GTF2F2: variants seen among roughly 807,000 people sequenced by gnomAD.
GTF2F2 encodes the protein ATP-dependent helicase GTF2F2.
Under a neutral mutation model 42.2 loss-of-function variants are expected in GTF2F2, and 23 were observed. That is an observed-to-expected ratio of 0.55 (90% confidence interval 0.39 to 0.77). The LOEUF is 0.77. Ranked by LOEUF, GTF2F2 falls within the 30% of genes least tolerant of loss-of-function variation. GTF2F2 has a pLI of 0.00. For missense variants in GTF2F2, 261 were observed against 287.2 expected, an observed-to-expected ratio of 0.91 and a Z score of 0.66; for synonymous variants, 105 against 100.8, an observed-to-expected ratio of 1.04 and a Z score of -0.25.
intron 5 of GTF2F2, among the ~76,000 whole-genome samples, chr13:45,239,880 A>G (rs1875190933): frequency 6.6e-6 from 1 of 152,146 alleles, no homozygotes; most frequent in African/African-American, 2.4e-5. Context: ...CAAAACAAGG[A>G]ATCTTGAATT....
At chr13:45,259,744 G>A (rs1876256574) in intron 6 of GTF2F2, among the ~76,000 whole-genome samples, 1 of 124,082 alleles carries the variant, frequency 8.1e-6, no homozygotes, top group Non-Finnish European at 1.6e-5. Flanking sequence ...TGCAAGCTCC[G>A]CCTCCCGGAT....
rs1877385425 is a variant in GTF2F2, at chr13:45,284,464, A to G, written c.*903A>G. Reference sequence around the variant, plus strand: ...TTTAATTAATTTTTAAATGAAAACAATACATGTATATGTTAGTTTTTTCTA... The same window carrying G: ...TTTAATTAATTTTTAAATGAAAACAGTACATGTATATGTTAGTTTTTTCTA... On this transcript the variant is annotated 3_prime_UTR_variant, in exon 8 of 8. Coordinates refer to ENST00000340473, the MANE Select transcript of GTF2F2 (RefSeq NM_004128.3). The G allele has an allele frequency of 6.6e-6, 1 of 152,204 alleles. No individual in the cohort carries two copies. The highest frequency in any genetic ancestry group is 2.4e-5 in the African/African-American group (1 of 41,452). 9.4% of individuals were successfully genotyped at this position (152,204 alleles called of 1,614,324 possible).
chr13:45,265,945 T>C (rs946922496), intron 6 of GTF2F2, among the ~76,000 whole-genome samples: 5 of 152,200 alleles, frequency 3.3e-5, no homozygotes, highest in Non-Finnish European at 5.9e-5. Flanking sequence ...TCAACAAGTT[T>C]CTGATGGTTT....
intron 4 of GTF2F2, among the ~76,000 whole-genome samples, chr13:45,205,227 T>A (rs1242501279): frequency 6.6e-6 from 1 of 152,124 alleles, no homozygotes. Context: ...CTCAGGAAAC[T>A]TACATTCATG....
At chr13:45,234,713 T>A (rs1217040094) in intron 5 of GTF2F2, among the ~76,000 whole-genome samples, 1 of 152,088 alleles carries the variant, frequency 6.6e-6, no homozygotes, top group Non-Finnish European at 1.5e-5. Context: ...ACCAGAAACC[T>A]ATATATCAGT....
At chr13:45,148,858 A>T (rs760746858) in intron 2 of GTF2F2, among the ~76,000 whole-genome samples, 1 of 152,226 alleles carries the variant, frequency 6.6e-6, no homozygotes, top group African/African-American at 2.4e-5. Context: ...GTGTGGAAAG[A>T]TACTGCACCA....
chr13:45,260,266 G>A (rs1876281930), intron 6 of GTF2F2, among the ~76,000 whole-genome samples: 1 of 152,152 alleles, frequency 6.6e-6, no homozygotes, highest in South Asian at 2.1e-4. Flanking sequence ...TAAAAAGGAT[G>A]TTTGTAGGAC....
chr13:45,161,578 A>G (rs965245054), intron 4 of GTF2F2, among the ~76,000 whole-genome samples: 4 of 152,216 alleles, frequency 2.6e-5, no homozygotes, highest in Non-Finnish European at 4.4e-5. Context: ...ACCGTGGCTC[A>G]GGCCTGTAAT....
intron 4 of GTF2F2, among the ~76,000 whole-genome samples, chr13:45,168,715 T>A (rs1463336338): frequency 1.3e-5 from 2 of 151,992 alleles, no homozygotes; most frequent in Admixed American, 6.6e-5. Context: ...GGGGCTCTAG[T>A]GATTTCCCCA....
At chr13:45,272,831 G>T (rs1051572911) in intron 7 of GTF2F2, among the ~76,000 whole-genome samples, 1 of 150,370 alleles carries the variant, frequency 6.7e-6, no homozygotes, top group South Asian at 2.1e-4. Context: ...ATCATAGCTC[G>T]CTGTCACTTC....
At chr13:45,150,664 C>CTTTTTTTTTTTTTTTTTT (rs368061537) in intron 3 of GTF2F2, among the ~76,000 whole-genome samples, 5 of 122,464 alleles carry the variant, frequency 4.1e-5, no homozygotes, top group South Asian at 2.4e-4. Flanking sequence ...AAAAAATCAT[C>CTTTTTTTTTTTTTTTTTT]TTTTTTTTTT....
chr13:45,151,124 C>T (rs1870470756), intron 3 of GTF2F2, among the ~76,000 whole-genome samples: 1 of 152,070 alleles, frequency 6.6e-6, no homozygotes, highest in Non-Finnish European at 1.5e-5. Flanking sequence ...CCTTGGTCTC[C>T]TCTCTCCCTC....
At chr13:45,191,224 A>AAAAAAAAAAATATATATATAT in intron 4 of GTF2F2, among the ~76,000 whole-genome samples, 5 of 75,344 alleles carry the variant, frequency 6.6e-5, no homozygotes, top group African/African-American at 4.0e-4. Flanking sequence ...ACAAAAAAAA[A>AAAAAAAAAAATATATATATAT]ATATATATAT....
At chr13:45,121,551 C>T (rs1339679085) in intron 1 of GTF2F2, among the ~76,000 whole-genome samples, 1 of 152,128 alleles carries the variant, frequency 6.6e-6, no homozygotes, top group African/African-American at 2.4e-5. Context: ...TAAAACAGCC[C>T]CCTTGTGATC....
At chr13:45,170,799 A>G (rs1264771711) in intron 4 of GTF2F2, among the ~76,000 whole-genome samples, 1 of 152,164 alleles carries the variant, frequency 6.6e-6, no homozygotes, top group African/African-American at 2.4e-5. Flanking sequence ...TCTAGATGCA[A>G]GAGAAGGGTT....
rs757149672 is a variant in GTF2F2, at chr13:45,283,982, A to G, written c.*421A>G. On this transcript the variant is annotated 3_prime_UTR_variant, in exon 8 of 8. Coordinates refer to ENST00000340473, the MANE Select transcript of GTF2F2 (RefSeq NM_004128.3). ...TCAACTACAGAAACTCTTAAAAGGA[A>G]TAAAAACCCAAAGTTCCTTATTTTG... 2.0e-5 allele frequency: 3 copies of G among 152,262 alleles called. No homozygotes were observed. The highest frequency in any genetic ancestry group is 2.9e-5 in the Non-Finnish European group (2 of 68,056). 9.4% of individuals were successfully genotyped at this position (152,262 alleles called of 1,614,324 possible). A position where few individuals can be genotyped will look rare whatever the true frequency, so the allele number is the denominator to read the frequency against.
chr13:45,150,201 T>C lies in GTF2F2; in HGVS notation c.159+413T>C, dbSNP rs144720937. The stretch of plus-strand genomic sequence containing the variant: ...ATAAATACTTCATAATCTTCCTACA[T>C]GCTTGGGAGATGAGTAATTTTGTTT... On this transcript the variant is annotated intron_variant, in intron 3 of 7. Coordinates refer to ENST00000340473, the MANE Select transcript of GTF2F2 (RefSeq NM_004128.3). Among the ~76,000 whole-genome samples, 68 of 152,344 alleles carry C rather than the reference T, an allele frequency of 4.5e-4. 1 individual carries two copies. Among genetic ancestry groups the C allele is most frequent in the African/African-American group, 1.6e-3 (66 of 41,580 alleles).
At chr13:45,265,597 C>T (rs1876531068) in intron 6 of GTF2F2, among the ~76,000 whole-genome samples, 1 of 152,186 alleles carries the variant, frequency 6.6e-6, no homozygotes, top group African/African-American at 2.4e-5. Context: ...CTTTGTCTCA[C>T]TCCCAACTTT....
chr13:45,133,573 C>T (rs1869470031), intron 1 of GTF2F2, among the ~76,000 whole-genome samples: 1 of 152,096 alleles, frequency 6.6e-6, no homozygotes, highest in African/African-American at 2.4e-5. Flanking sequence ...TCTGTTTTAT[C>T]TAAGTAGTGG....
Sources: gnomAD v4.1 joint callset for allele counts (sites outside exome capture counted in the v4.1 genomes callset) on GRCh38, gnomAD v4.1.1 for gene constraint, MANE v1.5 for transcripts, NCBI Gene and HGNC (gene_info 2026-07-23, HGNC 2026-07-21) for gene names.